The following SLX4IP variants were observed in gnomAD, a reference collection of about 807,000 sequenced individuals.
SLX4IP encodes SLX4 interacting protein.
Under a neutral mutation model 32.9 loss-of-function variants are expected in SLX4IP, and 34 were observed. The observed-to-expected ratio is 1.03, with a 90% CI of 0.79 to 1.38. The LOEUF (loss-of-function observed/expected upper bound fraction) is 1.38. SLX4IP is among the 40% of genes most tolerant of loss of function. The probability of loss-of-function intolerance (pLI) is 0.00; values close to 1 mark genes in which losing one functional copy is unlikely to be tolerated. For synonymous variants in SLX4IP, 172 were observed against 171.7 expected (o/e 1.00, Z -0.01); for missense variants, 444 against 479.0 (o/e 0.93, Z 0.68).
At chr20:10,599,399 A>C (rs2066814380) in intron 5 of SLX4IP, among the ~76,000 whole-genome samples, 1 of 152,118 alleles carries the variant, frequency 6.6e-6, no homozygotes, top group Admixed American at 6.5e-5. Flanking sequence ...CTTAACTGTA[A>C]ACTCTGCTCG....
chr20:10,504,454 C>T (rs1344156706), intron 2 of SLX4IP, among the ~76,000 whole-genome samples: 1 of 152,160 alleles, frequency 6.6e-6, no homozygotes, highest in African/African-American at 2.4e-5. Flanking sequence ...AGACCCGCTT[C>T]CTGGCCCATT....
intron 6 of SLX4IP, among the ~76,000 whole-genome samples, chr20:10,618,179 G>C (rs1192617978): frequency 6.6e-6 from 1 of 152,168 alleles, no homozygotes; most frequent in African/African-American, 2.4e-5. Context: ...TGCATTGACT[G>C]TCTTCATCCT....
chr20:10,512,809 T>C (rs1180870754), intron 2 of SLX4IP, among the ~76,000 whole-genome samples: 118 of 20,870 alleles, frequency 5.7e-3, no homozygotes, highest in Non-Finnish European at 0.013. Flanking sequence ...TATATATATA[T>C]ATATATATAT....
chr20:10,443,590 T>A (rs1423092740), intron 1 of SLX4IP, among the ~76,000 whole-genome samples: 1 of 152,144 alleles, frequency 6.6e-6, no homozygotes, highest in Non-Finnish European at 1.5e-5. Context: ...GAGCTGCATG[T>A]TCAAGGACAT....
At chr20:10,521,401 C>T (rs6074153) in intron 2 of SLX4IP, among the ~76,000 whole-genome samples, 7,760 of 152,202 alleles carry the variant, frequency 0.051, 278 homozygotes, top group Admixed American at 0.11. Context: ...TAGGAGCTCC[C>T]ATCACCTCTC....
rs1008601376 is a variant in SLX4IP at position 10,566,299 on chromosome 20, T to G, written c.238+5479T>G. On this transcript the variant is annotated intron_variant, in intron 4 of 7. Coordinates refer to ENST00000334534, the MANE Select transcript of SLX4IP (RefSeq NM_001009608.3). ...ACTGATTACATTTTTTTTTTTTTTT[T>G]TTTTTTTTTTTTGTCTATATACCTC... 7.3e-3 allele frequency among the ~76,000 whole-genome samples: 806 copies of G among 109,914 alleles called. 8 individuals are homozygous for G. Among genetic ancestry groups the G allele is most frequent in the African/African-American group, 0.022 (763 of 34,014 alleles). The allele number at this position is 109,914 out of a possible 152,430, so 72.1% of individuals were successfully genotyped here. A position where few individuals can be genotyped will look rare whatever the true frequency, so the allele number is the denominator to read the frequency against.
intron 1 of SLX4IP, among the ~76,000 whole-genome samples, chr20:10,449,468 G>C (rs149080297): frequency 1.6e-4 from 25 of 152,296 alleles, no homozygotes; most frequent in African/African-American, 4.8e-4. Flanking sequence ...AGCCCAATTA[G>C]TCACTGACTT....
intron 6 of SLX4IP, among the ~76,000 whole-genome samples, chr20:10,618,740 G>A (rs754977926): frequency 3.9e-5 from 6 of 152,206 alleles, no homozygotes; most frequent in South Asian, 2.1e-4. Flanking sequence ...GGGTTGTCCC[G>A]TAAGCCCAGA....
At chr20:10,535,507 A>G (rs1429297947) in intron 2 of SLX4IP, among the ~76,000 whole-genome samples, 1 of 152,014 alleles carries the variant, frequency 6.6e-6, no homozygotes, top group African/African-American at 2.4e-5. Context: ...TTTTTAGTAG[A>G]GATGGGGTTT....
intron 2 of SLX4IP, among the ~76,000 whole-genome samples, chr20:10,479,769 G>C (rs2122378631): frequency 6.7e-6 from 1 of 148,904 alleles, no homozygotes; most frequent in Admixed American, 6.7e-5. Flanking sequence ...ACTTTGGAAG[G>C]CTGAGGCAGG....
rs949623587 is a variant in SLX4IP, at chr20:10,474,864, G to A, written c.27+16633G>A. Among the ~76,000 whole-genome samples the A allele has an allele frequency of 2.6e-5, 4 of 152,160 alleles. No individual in the cohort carries two copies. In the South Asian group the frequency reaches 6.2e-4, roughly 24 times the overall value. On this transcript the variant is annotated intron_variant, in intron 2 of 7. Transcript: ENST00000334534. ...CATAGCTTACCTCGGCCTCCCTCTG[G>A]CGCCACCATCCAGGACTGGAAGCAT...
intron 2 of SLX4IP, among the ~76,000 whole-genome samples, chr20:10,469,494 T>A (rs1450130993): frequency 6.6e-6 from 1 of 152,228 alleles, no homozygotes; most frequent in Non-Finnish European, 1.5e-5. Flanking sequence ...ATGGTTTTGA[T>A]TGTCTAGACA....
chr20:10,578,434 A>G (rs1295450669), intron 4 of SLX4IP, among the ~76,000 whole-genome samples: 2 of 152,232 alleles, frequency 1.3e-5, no homozygotes, highest in African/African-American at 4.8e-5. Context: ...ATTTTATTAC[A>G]AATAATGTTC....
chr20:10,483,050 T>C (rs1379547199), intron 2 of SLX4IP, among the ~76,000 whole-genome samples: 1 of 152,232 alleles, frequency 6.6e-6, no homozygotes, highest in Non-Finnish European at 1.5e-5. Context: ...TTATCTATAG[T>C]GATACGTTAT....
chr20:10,616,087 G>A (rs1331926754), intron 6 of SLX4IP, among the ~76,000 whole-genome samples: 1 of 152,110 alleles, frequency 6.6e-6, no homozygotes, highest in Non-Finnish European at 1.5e-5. Context: ...TATATTTTCT[G>A]TGTTGGTAAA....
chr20:10,467,332 A>G lies in SLX4IP; in HGVS notation c.27+9101A>G, dbSNP rs73071193. On this transcript the variant is annotated intron_variant, in intron 2 of 7. Transcript: ENST00000334534. ...AAGAAAGAATAAAACTGAAGTGCCT[A>G]AACAGAATAAATCACAAACATTTTA... Among the ~76,000 whole-genome samples, 170 of 152,362 alleles carry G rather than the reference A, an allele frequency of 1.1e-3. 1 individual carries two copies. The Middle Eastern group carries it at 0.017, about 15-fold the overall frequency.
intron 4 of SLX4IP, among the ~76,000 whole-genome samples, chr20:10,579,812 C>T (rs1191875261): frequency 6.6e-6 from 1 of 152,204 alleles, no homozygotes; most frequent in East Asian, 1.9e-4. Context: ...AAATTGTCTT[C>T]TCATTCTTTT....
chr20:10,582,267 C>G (rs966906011), intron 4 of SLX4IP, among the ~76,000 whole-genome samples: 3 of 152,140 alleles, frequency 2.0e-5, no homozygotes, highest in African/African-American at 7.2e-5. Flanking sequence ...TGACACTTCT[C>G]CATAGGCCAT....
At chr20:10,442,442 C>CT (rs2065166888) in intron 1 of SLX4IP, among the ~76,000 whole-genome samples, 1 of 152,164 alleles carries the variant, frequency 6.6e-6, no homozygotes, top group Non-Finnish European at 1.5e-5. Flanking sequence ...AAAGTCTCCT[C>CT]TTTGTTAAAG....
Sources: gnomAD v4.1 joint callset for allele counts (sites outside exome capture counted in the v4.1 genomes callset) on GRCh38, gnomAD v4.1.1 for gene constraint, MANE v1.5 for transcripts, NCBI Gene and HGNC (gene_info 2026-07-23, HGNC 2026-07-21) for gene names.